The following RBFOX1 variants were observed in gnomAD, a reference collection of about 807,000 sequenced individuals.
RBFOX1 encodes RNA binding fox-1 homolog 1, also known as RNA binding protein fox-1 homolog 1.
A neutral mutation model predicts 57.7 loss-of-function variants in RBFOX1; 8 were observed. The ratio of observed to expected loss-of-function variants is 0.14; its 90% confidence interval spans 0.08 to 0.25. The LOEUF is 0.25. Ranked by LOEUF, RBFOX1 falls within the 10% of genes least tolerant of loss-of-function variation. The probability of loss-of-function intolerance (pLI) is 1.00; values close to 1 mark genes in which losing one functional copy is unlikely to be tolerated. For synonymous variants in RBFOX1, 326 were observed against 222.4 expected, an observed-to-expected ratio of 1.47 and a Z score of -4.15; for missense variants, 611 against 548.5, an observed-to-expected ratio of 1.11 and a Z score of -1.14.
At chr16:6,505,547 G>C (rs1598427228) in intron 2 of RBFOX1, among the ~76,000 whole-genome samples, 1 of 152,182 alleles carries the variant, frequency 6.6e-6, no homozygotes, top group Non-Finnish European at 1.5e-5. Flanking sequence ...TCACCGTCTA[G>C]TACAGCTAGA....
intron 4 of RBFOX1, among the ~76,000 whole-genome samples, chr16:7,453,664 T>A (rs952981306): frequency 6.6e-6 from 1 of 152,110 alleles, no homozygotes; most frequent in Non-Finnish European, 1.5e-5. Context: ...ATCCACTTCA[T>A]GCCAAGCACT....
intron 4 of RBFOX1, among the ~76,000 whole-genome samples, chr16:7,231,946 G>C (rs1319302466): frequency 6.6e-6 from 1 of 152,198 alleles, no homozygotes; most frequent in Non-Finnish European, 1.5e-5. Context: ...TTTTGTTTCG[G>C]AATGGAATGA....
At chr16:6,421,723 C>T (rs375030932) in intron 2 of RBFOX1, among the ~76,000 whole-genome samples, 17 of 152,132 alleles carry the variant, frequency 1.1e-4, no homozygotes, top group African/African-American at 3.1e-4. Context: ...CACTAATCAT[C>T]GTGAAGGGGC....
In RBFOX1 at chr16:5,594,122, C is replaced by G. The variant is rs79898037; in HGVS notation, c.259-4780C>G. Among the ~76,000 whole-genome samples, 825 of 152,208 alleles carry G rather than the reference C, an allele frequency of 5.4e-3. 3 individuals are homozygous for G. Among genetic ancestry groups the G allele is most frequent in the Middle Eastern group, 0.01 (3 of 294 alleles). On this transcript the variant is annotated intron_variant, in intron 2 of 2. Coordinates refer to the RBFOX1 transcript ENST00000585867. ...GGGAACTCATCATGCACCCAGAACCCCACCTCTGACCCCACACCCTCTGTC... is the reference window on the plus strand; with the variant it reads ...GGGAACTCATCATGCACCCAGAACCGCACCTCTGACCCCACACCCTCTGTC...
At chr16:5,658,381 G>C (rs1207093472) in intron 3 of RBFOX1, among the ~76,000 whole-genome samples, 1 of 152,164 alleles carries the variant, frequency 6.6e-6, no homozygotes, top group Non-Finnish European at 1.5e-5. Flanking sequence ...TCCTGAGCCT[G>C]AGCCTTGAGT....
chr16:7,356,460 C>T (rs1028032347), intron 4 of RBFOX1, among the ~76,000 whole-genome samples: 14 of 151,966 alleles, frequency 9.2e-5, no homozygotes, highest in African/African-American at 3.1e-4. Context: ...GGAGAGTGTT[C>T]AAAAGAAGCC....
At chr16:6,807,893 T>C (rs930791460) in intron 3 of RBFOX1, among the ~76,000 whole-genome samples, 27 of 106,324 alleles carry the variant, frequency 2.5e-4, no homozygotes, top group East Asian at 1.8e-3. Context: ...TGAATATATA[T>C]TATTGTGTGT....
At chr16:6,813,432 G>A (rs1388208798) in intron 3 of RBFOX1, among the ~76,000 whole-genome samples, 2 of 152,046 alleles carry the variant, frequency 1.3e-5, no homozygotes, top group African/African-American at 4.8e-5. Context: ...TGTTCTCATG[G>A]CTCTAGTTTG....
chr16:7,280,240 G>C (rs936611956), intron 4 of RBFOX1, among the ~76,000 whole-genome samples: 42 of 152,296 alleles, frequency 2.8e-4, no homozygotes, highest in African/African-American at 9.4e-4. Context: ...TGCAAAATGA[G>C]CAAGCTTGTG....
rs543286342 is a variant in RBFOX1, at chr16:5,974,502, C to T, written c.351+107167C>T. ...GTGTGCACCTGTAATCCCAGCTACT[C>T]GGGAGGCTGAGGCAGGAGAATCACT... On this transcript the variant is annotated intron_variant, in intron 4 of 19. Coordinates refer to the RBFOX1 transcript ENST00000641259. Among the ~76,000 whole-genome samples the T allele has an allele frequency of 2.5e-3, 379 of 151,926 alleles. 1 individual carries two copies. Among genetic ancestry groups the T allele is most frequent in the Non-Finnish European group, 3.9e-3 (264 of 67,956 alleles).
chr16:5,367,223 C>G (rs1037303938), intron 1 of RBFOX1, among the ~76,000 whole-genome samples: 2 of 152,140 alleles, frequency 1.3e-5, no homozygotes, highest in African/African-American at 4.8e-5. Flanking sequence ...AAGGGCATTA[C>G]AAGCCTAAAG....
At chr16:6,024,095 C>T (rs1249195429) in intron 1 of RBFOX1, among the ~76,000 whole-genome samples, 1 of 152,166 alleles carries the variant, frequency 6.6e-6, no homozygotes, top group Admixed American at 6.5e-5. Flanking sequence ...AGCACTGTCA[C>T]TCATTACCAC....
intron 3 of RBFOX1, among the ~76,000 whole-genome samples, chr16:6,733,219 G>A (rs1245915678): frequency 6.6e-6 from 1 of 152,152 alleles, no homozygotes; most frequent in Non-Finnish European, 1.5e-5. Context: ...TTTATTAGCA[G>A]GTGCCAGAGC....
intron 3 of RBFOX1, among the ~76,000 whole-genome samples, chr16:6,888,848 T>G (rs2064758965): frequency 6.6e-6 from 1 of 152,320 alleles, no homozygotes; most frequent in East Asian, 1.9e-4. Flanking sequence ...TTTTATGTCC[T>G]TTATTCATCC....
chr16:5,791,551 C>G (rs535914938), intron 3 of RBFOX1, among the ~76,000 whole-genome samples: 6 of 152,190 alleles, frequency 3.9e-5, no homozygotes, highest in Non-Finnish European at 7.4e-5. Context: ...AGGCAGCACA[C>G]AAAAGTCTGT....
At position 7,094,794 on chromosome 16, in the gene RBFOX1, A is replaced by T. The variant is rs1381813541; in HGVS notation, c.27+42696A>T. On this transcript the variant is annotated intron_variant, in intron 4 of 15. Coordinates refer to ENST00000550418, the MANE Select transcript of RBFOX1 (RefSeq NM_018723.4). ...TGTGTGTGGGTGTGTGTGTGTGTTG[A>T]GAGAGAGAGAGATTGAGACAGAGGG... Among the ~76,000 whole-genome samples, 80 of 76,694 alleles carry T rather than the reference A, an allele frequency of 1.0e-3. 1 individual carries two copies. The highest frequency in any genetic ancestry group is 7.7e-3 in the South Asian group (15 of 1,944). The allele number at this position is 76,694 out of a possible 152,430, so 50.3% of individuals were successfully genotyped here.
chr16:6,657,188 C>G (rs2098664826), intron 3 of RBFOX1, among the ~76,000 whole-genome samples: 1 of 151,094 alleles, frequency 6.6e-6, no homozygotes, highest in Non-Finnish European at 1.5e-5. Flanking sequence ...TCCTCCTTTC[C>G]TTCCCACTTT....
intron 5 of RBFOX1, among the ~76,000 whole-genome samples, chr16:7,549,418 G>A (rs1032899846): frequency 7.9e-5 from 12 of 152,298 alleles, no homozygotes; most frequent in African/African-American, 2.9e-4. Context: ...AAGAGTACCT[G>A]TATTACGGTT....
At position 6,855,567 on chromosome 16, in the gene RBFOX1, G is replaced by A. The variant is rs561023416; in HGVS notation, c.-15-196490G>A. 1.5e-3 allele frequency among the ~76,000 whole-genome samples: 226 copies of A among 151,470 alleles called. 1 individual carries two copies. Among genetic ancestry groups the A allele is most frequent in the African/African-American group, 5.0e-3 (207 of 41,184 alleles). ...ACTGGGGAGGCTGAGGCAGGAGAAT[G>A]GCGTGAACCCGAGAGGTGGAGCTTG... On this transcript the variant is annotated intron_variant, in intron 3 of 15. Coordinates refer to ENST00000550418, the MANE Select transcript of RBFOX1 (RefSeq NM_018723.4).
Sources: gnomAD v4.1 joint callset for allele counts (sites outside exome capture counted in the v4.1 genomes callset) on GRCh38, gnomAD v4.1.1 for gene constraint, MANE v1.5 for transcripts, NCBI Gene and HGNC (gene_info 2026-07-23, HGNC 2026-07-21) for gene names.